The following SHCBP1L variants were observed in gnomAD, a reference collection of about 807,000 sequenced individuals.
The protein encoded by SHCBP1L is SHC binding and spindle associated 1 like.
SHCBP1L carries 67 observed loss-of-function variants against 62.5 expected under a neutral mutation model. That is an observed-to-expected ratio of 1.07 (90% CI 0.88 to 1.31). SHCBP1L has a LOEUF of 1.31. SHCBP1L is among the 40% of genes most tolerant of loss of function. The pLI is 0.00. For synonymous variants in SHCBP1L, 284 were observed against 289.4 expected (o/e 0.98, Z 0.19); for missense variants, 823 against 809.8 (o/e 1.02, Z -0.20).
In SHCBP1L at chr1:182,900,115, G is replaced by T. The variant is rs1331225153; in HGVS notation, c.1830C>A (p.Asn610Lys). 5.0e-6 allele frequency: 8 copies of T among 1,612,512 alleles called. No individual in the cohort carries two copies. The highest frequency in any genetic ancestry group is 2.2e-5 in the South Asian group (2 of 90,910). Residue 610 changes from asparagine (N) to lysine (K), a missense_variant, in exon 10 of 10, where the codon AAC becomes AAA. By Grantham distance (94) the Asn-to-Lys change is moderately conservative (BLOSUM62 0). Transcript: ENST00000367547. ...TTTTATCTCCTGAAGAAGCCCTTTT[G>T]TTGAGAGCTTCTTCTGCTACGATAA... The part of the protein sequence containing the change: ...QFFIVAEEAL[N>K]KRASSGDKKD...
At chr1:182,951,293 C>A in intron 2 of SHCBP1L, 25 bp downstream of exon 2, 3 of 1,471,698 alleles carry the variant, frequency 2.0e-6, no homozygotes, top group South Asian at 1.5e-5. Context: ...TCAAAAAGAA[C>A]AAAGATCAAA....
intron 2 of SHCBP1L, among the ~76,000 whole-genome samples, chr1:182,944,905 C>T (rs1406122965): frequency 6.6e-6 from 1 of 151,500 alleles, no homozygotes; most frequent in East Asian, 1.9e-4. Flanking sequence ...GTTTTCCCAG[C>T]AGTCAATAAT....
chr1:182,930,653 A>ATGTGTG (rs1182783771), intron 5 of SHCBP1L, among the ~76,000 whole-genome samples: 23 of 24,668 alleles, frequency 9.3e-4, no homozygotes, highest in Admixed American at 2.5e-3. Flanking sequence ...CCTGGAGTAT[A>ATGTGTG]TGTGTGTGTG....
chr1:182,941,422 G>A (rs1429054841), intron 2 of SHCBP1L, among the ~76,000 whole-genome samples: 3 of 151,776 alleles, frequency 2.0e-5, no homozygotes, highest in Non-Finnish European at 4.4e-5. Flanking sequence ...CTTTTTTAAA[G>A]TTATTCCAGT....
At chr1:182,923,999 C>T (rs911460687) in intron 6 of SHCBP1L, among the ~76,000 whole-genome samples, 1 of 152,110 alleles carries the variant, frequency 6.6e-6, no homozygotes, top group African/African-American at 2.4e-5. Flanking sequence ...AGCCTCTACC[C>T]AAAAGCTTCT....
chr1:182,924,694 AG>A (rs1295626131), intron 6 of SHCBP1L, among the ~76,000 whole-genome samples: 1 of 111,222 alleles, frequency 9.0e-6, no homozygotes, highest in East Asian at 2.1e-4. Context: ...AGGAAAGGAA[AG>A]GAAAGGAAGA....
At chr1:182,905,344 G>A (rs944828237) in intron 7 of SHCBP1L, 152 bp downstream of exon 7, 25 of 788,838 alleles carry the variant, frequency 3.2e-5, no homozygotes, top group Admixed American at 7.2e-5. Flanking sequence ...AAAATATGAC[G>A]AACATGTCTT....
chr1:182,913,997 T>TA (rs1283804048), intron 6 of SHCBP1L, among the ~76,000 whole-genome samples: 1 of 151,750 alleles, frequency 6.6e-6, no homozygotes, highest in Non-Finnish European at 1.5e-5. Context: ...ATAATAATGA[T>TA]AAAAAACAAT....
chr1:182,940,247 G>C (rs1478000390), intron 3 of SHCBP1L, 82 bp downstream of exon 3: 1 of 1,186,780 alleles, frequency 8.4e-7, no homozygotes, highest in African/African-American at 1.5e-5. Flanking sequence ...GTAAGTGCTT[G>C]TAAAGCGATT....
At position 182,922,923 on chromosome 1, in the gene SHCBP1L, AG is replaced by A. The variant is rs1230278131; in HGVS notation, c.1182+6723del. On this transcript the variant is annotated intron_variant, in intron 6 of 9. Coordinates refer to ENST00000367547, the MANE Select transcript of SHCBP1L (RefSeq NM_030933.4). ...ATTAGAGTGGAACTGAATGAATTTG[AG>A]ATGTGAAAAACCATACAAAAGATCA... 2.0e-5 allele frequency among the ~76,000 whole-genome samples: 3 copies of A among 152,198 alleles called. No homozygotes were observed. The East Asian group carries it at 5.8e-4, about 29-fold the overall frequency.
In SHCBP1L at chr1:182,953,065, G is replaced by T. The variant is rs1157764113; in HGVS notation, c.69C>A (p.Gly23=). 1 of 1,548,210 alleles carries T rather than the reference G, an allele frequency of 6.5e-7. No homozygotes were observed. Among genetic ancestry groups the T allele is most frequent in the Non-Finnish European group, 8.7e-7 (1 of 1,152,956 alleles). The change falls in exon 1 of 10, where the codon GGC becomes GGA. Residue 23 remains glycine (G), a synonymous_variant. Transcript: ENST00000367547. ...CGGAGACAGCGGAGGCGGACTTCTC[G>T]CCTCGCCTGTCCGGGCTGATGGTGC... ...SFRTISPDRR[G]EKSASAVSGD...
intron 6 of SHCBP1L, among the ~76,000 whole-genome samples, chr1:182,914,217 G>T (rs566009343): frequency 6.6e-6 from 1 of 152,156 alleles, no homozygotes; most frequent in South Asian, 2.1e-4. Flanking sequence ...GACATTTCTA[G>T]ATAAAAAAAG....
chr1:182,904,527 CTGTGTGCGTG>C, intron 7 of SHCBP1L, 97 bp from the exon 8 acceptor site: 2 of 1,213,368 alleles, frequency 1.6e-6, no homozygotes, highest in South Asian at 1.4e-5. Flanking sequence ...AAGTTTTTCC[CTGTGTGCGTG>C]TGTGTGTGTG....
chr1:182,932,627 T>C (rs908539047), intron 5 of SHCBP1L, among the ~76,000 whole-genome samples: 7 of 151,946 alleles, frequency 4.6e-5, no homozygotes, highest in Admixed American at 4.6e-4. Context: ...CCCAAGTAGC[T>C]GGGACAACTG....
chr1:182,933,282 A>G (rs754092170), intron 5 of SHCBP1L, among the ~76,000 whole-genome samples: 10 of 152,230 alleles, frequency 6.6e-5, no homozygotes, highest in Non-Finnish European at 1.2e-4. Flanking sequence ...ATCTGTGAAT[A>G]GAGATAACTT....
chr1:182,900,275 A>G (rs746202096), intron 9 of SHCBP1L, 41 bp from the exon 10 acceptor site: 1 of 1,466,522 alleles, frequency 6.8e-7, no homozygotes, highest in African/African-American at 1.4e-5. Flanking sequence ...CAATGATTTT[A>G]TTTAAAAAAT....
intron 6 of SHCBP1L, among the ~76,000 whole-genome samples, 187 bp from the exon 7 acceptor site, chr1:182,905,836 G>A (rs752778522): frequency 1.3e-5 from 2 of 151,962 alleles, no homozygotes; most frequent in African/African-American, 4.8e-5. Flanking sequence ...CTTTACAATC[G>A]TTCATCATTT....
At chr1:182,930,209 A>G (rs1650916537) in intron 5 of SHCBP1L, among the ~76,000 whole-genome samples, 1 of 152,146 alleles carries the variant, frequency 6.6e-6, no homozygotes, top group Non-Finnish European at 1.5e-5. Flanking sequence ...TATTATCTCC[A>G]TAAAATAGTT....
intron 2 of SHCBP1L, among the ~76,000 whole-genome samples, chr1:182,942,605 GATACTTCC>G (rs1377475226): frequency 3.3e-5 from 5 of 152,196 alleles, no homozygotes; most frequent in African/African-American, 1.2e-4. Flanking sequence ...ATAGTATAGT[GATACTTCC>G]CTGCACTTGT....
Sources: allele counts gnomAD v4.1 joint callset (sites outside exome capture counted in the v4.1 genomes callset), GRCh38; gene constraint gnomAD v4.1.1; transcripts MANE v1.5; gene names NCBI Gene and HGNC (gene_info 2026-07-23, HGNC 2026-07-21).